SLCO5A1: variants seen among roughly 807,000 people sequenced by gnomAD.
The protein encoded by SLCO5A1 is solute carrier organic anion transporter family member 5A1.
Under a neutral mutation model 65.1 loss-of-function variants are expected in SLCO5A1, and 39 were observed. That is an observed-to-expected ratio of 0.60 (90% CI 0.46 to 0.78). SLCO5A1 has a LOEUF of 0.78. Ranked by LOEUF, SLCO5A1 falls within the 30% of genes least tolerant of loss-of-function variation. The pLI is 0.00. For synonymous variants in SLCO5A1, 438 were observed against 415.7 expected (o/e 1.05, Z -0.65); for missense variants, 1,029 against 1,069.4 (o/e 0.96, Z 0.53).
chr8:69,760,998 C>T (rs143246064), intron 3 of SLCO5A1, among the ~76,000 whole-genome samples: 1 of 152,226 alleles, frequency 6.6e-6, no homozygotes, highest in Non-Finnish European at 1.5e-5. Context: ...GGTTGTAAAG[C>T]AGACACCAAA....
At chr8:69,818,228 A>G (rs1563372831) in intron 2 of SLCO5A1, among the ~76,000 whole-genome samples, 1 of 152,362 alleles carries the variant, frequency 6.6e-6, no homozygotes, top group East Asian at 1.9e-4. Flanking sequence ...TAGAACTGCA[A>G]TTAGCCCCTG....
Position 69,669,040 on chromosome 8 carries a change from C to A in SLCO5A1, c.*3829G>T, listed in dbSNP as rs1359870342. The A allele has an allele frequency of 6.6e-6, 1 of 152,082 alleles. No homozygotes were observed. The highest frequency in any genetic ancestry group is 2.4e-5 in the African/African-American group (1 of 41,402). 9.4% of individuals were successfully genotyped at this position (152,082 alleles called of 1,614,324 possible). ...TCCCTAAAGCTCAGATTCAACAAATCTGAACTACCTTTCTTCATAATGTTT... is the reference window on the plus strand; with the variant it reads ...TCCCTAAAGCTCAGATTCAACAAATATGAACTACCTTTCTTCATAATGTTT... On this transcript the variant is annotated 3_prime_UTR_variant, in exon 10 of 10. Transcript: ENST00000260126.
In SLCO5A1 at chr8:69,667,490, A is replaced by G. The variant is rs977164347; in HGVS notation, c.*5379T>C. The G allele has an allele frequency of 1.3e-5, 2 of 152,206 alleles. No individual in the cohort carries two copies. Among genetic ancestry groups the G allele is most frequent in the East Asian group, 1.9e-4 (1 of 5,204 alleles). 9.4% of individuals were successfully genotyped at this position (152,206 alleles called of 1,614,324 possible). On this transcript the variant is annotated 3_prime_UTR_variant, in exon 10 of 10. Transcript: ENST00000260126. Reference sequence around the variant, plus strand: ...TTGGTACTACTCTTACCAATTATCAATTACCAATTGCCAATAATCGGTACT... The same window carrying G: ...TTGGTACTACTCTTACCAATTATCAGTTACCAATTGCCAATAATCGGTACT...
At chr8:69,687,520 T>C (rs945871271) in intron 6 of SLCO5A1, among the ~76,000 whole-genome samples, 1 of 152,194 alleles carries the variant, frequency 6.6e-6, no homozygotes, top group African/African-American at 2.4e-5. Context: ...AAGTCCAAAA[T>C]CATTTCAAAT....
intron 2 of SLCO5A1, among the ~76,000 whole-genome samples, chr8:69,792,292 G>A (rs1486117464): frequency 6.6e-6 from 1 of 152,140 alleles, no homozygotes; most frequent in Non-Finnish European, 1.5e-5. Context: ...GTATATTAAG[G>A]CAAGATCTTG....
rs139869029 is a variant in SLCO5A1, at chr8:69,733,902, A to G, written c.1423+4138T>C. The stretch of plus-strand genomic sequence containing the variant: ...ACAGACTAATACAAGGGGTCGTCCC[A>G]TCATTTCAGGCTTCTCCAAAATACC... On this transcript the variant is annotated intron_variant, in intron 5 of 9. Transcript: ENST00000260126. Among the ~76,000 whole-genome samples, 566 of 152,342 alleles carry G rather than the reference A, an allele frequency of 3.7e-3. 2 individuals are homozygous for G. Among genetic ancestry groups the G allele is most frequent in the African/African-American group, 0.013 (539 of 41,590 alleles).
At chr8:69,739,504 G>A (rs962104838) in intron 4 of SLCO5A1, among the ~76,000 whole-genome samples, 2 of 152,034 alleles carry the variant, frequency 1.3e-5, no homozygotes, top group Non-Finnish European at 2.9e-5. Context: ...TGGCAATACA[G>A]TCATCTCAGA....
At chr8:69,674,103 C>T (rs780215410) in intron 9 of SLCO5A1, among the ~76,000 whole-genome samples, 3 of 152,206 alleles carry the variant, frequency 2.0e-5, no homozygotes, top group African/African-American at 7.2e-5. Context: ...AATATCTATG[C>T]CCCCTTTAAA....
rs369398538 is a variant in SLCO5A1, at chr8:69,832,563, A to G, written c.111T>C (p.Ser37=). Residue 37 remains serine (S), a synonymous_variant, in exon 2 of 10, where the codon AGT becomes AGC. Transcript: ENST00000260126. This position sits in a 1 kb window ranked among gnomAD's most constrained non-coding sequence, Gnocchi z 4.5. ...AGGAGGCGCTGCTGAGGACCGGTAA[A>G]CTCTTAGACCTGAGGGTCTCCGGCT... ...RCEPETLRSK[S]LPVLSSASCR... The G allele has an allele frequency of 5.0e-6, 8 of 1,611,820 alleles. No homozygotes were observed. Among genetic ancestry groups the G allele is most frequent in the Non-Finnish European group, 5.9e-6 (7 of 1,179,102 alleles).
intron 4 of SLCO5A1, among the ~76,000 whole-genome samples, chr8:69,739,469 T>C (rs1816706385): frequency 6.6e-6 from 1 of 152,186 alleles, no homozygotes; most frequent in Admixed American, 6.5e-5. Flanking sequence ...TGTATCTTCA[T>C]AGAAAAGGTA....
intron 2 of SLCO5A1, among the ~76,000 whole-genome samples, chr8:69,819,122 C>T (rs1445525072): frequency 1.3e-5 from 2 of 151,912 alleles, no homozygotes; most frequent in African/African-American, 2.4e-5. Context: ...ATGTGTATTC[C>T]CACTCTCAAT....
intron 2 of SLCO5A1, among the ~76,000 whole-genome samples, chr8:69,822,945 G>A (rs937222875): frequency 3.9e-5 from 6 of 152,178 alleles, no homozygotes; most frequent in African/African-American, 1.2e-4. Context: ...CTAGGGAGGT[G>A]GAAGAGCCAG....
chr8:69,687,235 T>C (rs1814040166), intron 6 of SLCO5A1, among the ~76,000 whole-genome samples: 1 of 152,206 alleles, frequency 6.6e-6, no homozygotes, highest in African/African-American at 2.4e-5. Context: ...TTAGTAGCTA[T>C]GTGACCTTGG....
intron 3 of SLCO5A1, among the ~76,000 whole-genome samples, chr8:69,759,099 C>A (rs967350783): frequency 6.6e-6 from 1 of 152,186 alleles, no homozygotes; most frequent in African/African-American, 2.4e-5. Context: ...ATGCTTGACA[C>A]AAAATAAGCA....
rs370564430 is a variant in SLCO5A1, at chr8:69,755,580, A to G, written c.1102T>C (p.Phe368Leu). ...MFLVIFPMFT[F>L]PKKLPPRHKK... ...TGTCGAGGTGGAAGCTTTTTTGGGA[A>G]AGTAAACATTGGGAATATCACAAGA... Residue 368 changes from phenylalanine (F) to leucine (L), a missense_variant, in exon 4 of 10, where the codon TTC (phenylalanine) becomes CTC (leucine). By Grantham distance (22) the Phe-to-Leu change is conservative. Around this residue, in one of 3 missense-constraint regions of SLCO5A1, gnomAD observed 647 missense variants for 647.5 expected, o/e 1.00. Transcript: ENST00000260126. 6.2e-7 allele frequency: 1 copy of G among 1,614,088 alleles called. No homozygotes were observed. Among genetic ancestry groups the G allele is most frequent in the Non-Finnish European group, 8.5e-7 (1 of 1,180,004 alleles).
chr8:69,696,973 G>A (rs115490738), intron 6 of SLCO5A1, among the ~76,000 whole-genome samples: 3,926 of 152,096 alleles, frequency 0.026, 149 homozygotes, highest in African/African-American at 0.09. Flanking sequence ...ACAAAAGCAT[G>A]CAATATGAGA....
At chr8:69,808,330 T>G (rs1226823195) in intron 2 of SLCO5A1, among the ~76,000 whole-genome samples, 1 of 152,078 alleles carries the variant, frequency 6.6e-6, no homozygotes, top group Non-Finnish European at 1.5e-5. Context: ...CTCCCACACT[T>G]CACCCTCCAA....
intron 2 of SLCO5A1, chr8:69,793,990 T>G (rs566315770): frequency 1.2e-5 from 2 of 169,414 alleles, no homozygotes; most frequent in Non-Finnish European, 2.5e-5. Context: ...TTTATGCAGA[T>G]GGAGAAACCA....
chr8:69,775,502 G>C (rs1467135611), intron 2 of SLCO5A1, among the ~76,000 whole-genome samples: 1 of 152,146 alleles, frequency 6.6e-6, no homozygotes, highest in Non-Finnish European at 1.5e-5. Flanking sequence ...AGTGACCACT[G>C]TTTATACACT....
Sources: allele counts gnomAD v4.1 joint callset (sites outside exome capture counted in the v4.1 genomes callset), GRCh38; gene constraint gnomAD v4.1.1; regional missense constraint gnomAD v4.1.1; non-coding constraint Gnocchi (gnomAD v3.1); transcripts MANE v1.5; gene names NCBI Gene and HGNC (gene_info 2026-07-23, HGNC 2026-07-21).